Variants in ARMC7 observed in about 807,000 individuals in gnomAD.
ARMC7 encodes armadillo repeat-containing protein 7.
Under a neutral mutation model 14.8 loss-of-function variants are expected in ARMC7, and 9 were observed. That is an observed-to-expected ratio of 0.61 (90% CI 0.37 to 1.06). ARMC7 has a LOEUF of 1.06. Ranked by LOEUF, ARMC7 falls within the 50% of genes least tolerant of loss-of-function variation. The probability of loss-of-function intolerance (pLI) is 0.01; values close to 1 mark genes in which losing one functional copy is unlikely to be tolerated. For missense variants in ARMC7, 262 were observed against 267.1 expected, an observed-to-expected ratio of 0.98 and a Z score of 0.13; for synonymous variants, 125 against 123.4, an observed-to-expected ratio of 1.01 and a Z score of -0.09.
chr17:75,128,862 G>A lies in ARMC7; in HGVS notation c.421G>A (p.Val141Met), dbSNP rs768008219. The A allele has an allele frequency of 2.0e-5, 33 of 1,612,478 alleles. No individual in the cohort carries two copies. Among genetic ancestry groups the A allele is most frequent in the South Asian group, 4.4e-5 (4 of 91,058 alleles). Residue 141 changes from valine to methionine, a missense_variant, in exon 3 of 3, where the codon GTG (valine) becomes ATG (methionine). Coordinates refer to ENST00000245543, the MANE Select transcript of ARMC7 (RefSeq NM_024585.4). ...SFLPELTATP[V>M]VQCMLRFSLS... ...TCTCCCAGAGCTGACCGCCACGCCC[G>A]TGGTGCAGTGCATGCTTCGCTTCTC...
intron 2 of ARMC7, among the ~76,000 whole-genome samples, chr17:75,124,094 T>C (rs2074033575): frequency 6.6e-6 from 1 of 152,236 alleles, no homozygotes; most frequent in Non-Finnish European, 1.5e-5. Context: ...CAGCTGTTGC[T>C]GTGGCCTCTT....
chr17:75,119,772 CTT>C (rs1568016992), intron 2 of ARMC7, among the ~76,000 whole-genome samples: 1 of 151,330 alleles, frequency 6.6e-6, no homozygotes, highest in African/African-American at 2.4e-5. Flanking sequence ...GCTGTGAAGA[CTT>C]TGACCCTGGG....
Position 75,129,122 on chromosome 17 carries a change from T to G in ARMC7, c.*84T>G. ...GACGCAGGGAACGGGGAGCACATACTGCCCCATTGGTGCCTTTTCAGCCAT... is the reference window on the plus strand; with the variant it reads ...GACGCAGGGAACGGGGAGCACATACGGCCCCATTGGTGCCTTTTCAGCCAT... On this transcript the variant is annotated 3_prime_UTR_variant, in exon 3 of 3. Transcript: ENST00000245543. 2.7e-6 allele frequency: 4 copies of G among 1,487,034 alleles called. No individual in the cohort carries two copies. The highest frequency in any genetic ancestry group is 3.6e-6 in the Non-Finnish European group (4 of 1,119,572). The allele number at this position is 1,487,034 out of a possible 1,614,324, so 92.1% of individuals were successfully genotyped here.
chr17:75,116,757 G>C (rs1313939661), intron 2 of ARMC7, among the ~76,000 whole-genome samples: 1 of 152,228 alleles, frequency 6.6e-6, no homozygotes, highest in Non-Finnish European at 1.5e-5. Context: ...AGCGAGAAAG[G>C]AGTTTACTCC....
chr17:75,120,366 T>A (rs1309102179), intron 2 of ARMC7, among the ~76,000 whole-genome samples: 2 of 152,186 alleles, frequency 1.3e-5, no homozygotes. Flanking sequence ...GGGTTTCCTC[T>A]TTTGCCTCTC....
chr17:75,124,080 A>G (rs953347958), intron 2 of ARMC7, among the ~76,000 whole-genome samples: 1 of 152,200 alleles, frequency 6.6e-6, no homozygotes, highest in South Asian at 2.1e-4. Context: ...GGAGAAGCTC[A>G]AAGCAGCTGT....
chr17:75,125,906 C>G (rs1210591897), intron 2 of ARMC7, among the ~76,000 whole-genome samples: 10 of 152,186 alleles, frequency 6.6e-5, no homozygotes, highest in Admixed American at 6.5e-4. Context: ...TGGGAGCAGG[C>G]AGCAGAGTGA....
At chr17:75,120,844 A>G (rs1460581959) in intron 2 of ARMC7, among the ~76,000 whole-genome samples, 2 of 150,614 alleles carry the variant, frequency 1.3e-5, no homozygotes, top group Non-Finnish European at 3.0e-5. Context: ...AGATTGCAGT[A>G]TGATCAACAG....
At chr17:75,114,365 T>C in intron 2 of ARMC7, 2 of 398,062 alleles carry the variant, frequency 5.0e-6, no homozygotes, top group Non-Finnish European at 4.4e-6. Context: ...AGGAAGCAAC[T>C]TTCCCAGGAC....
chr17:75,128,565 G>C (rs1355324620), intron 2 of ARMC7, 112 bp from the exon 3 acceptor site: 8 of 1,444,040 alleles, frequency 5.5e-6, no homozygotes, highest in South Asian at 2.8e-5. Context: ...TGGATGCCTT[G>C]TGCTGGGGCC....
At chr17:75,116,757 G>T (rs1313939661) in intron 2 of ARMC7, among the ~76,000 whole-genome samples, 2 of 152,228 alleles carry the variant, frequency 1.3e-5, no homozygotes, top group Non-Finnish European at 2.9e-5. Flanking sequence ...AGCGAGAAAG[G>T]AGTTTACTCC....
At chr17:75,114,560 G>T (rs535266645) in intron 2 of ARMC7, 1 of 395,006 alleles carries the variant, frequency 2.5e-6, no homozygotes, top group South Asian at 1.4e-4. Context: ...TCCGAGCGTG[G>T]TTTCCTCTCC....
At chr17:75,127,059 C>A (rs1214808613) in intron 2 of ARMC7, among the ~76,000 whole-genome samples, 9 of 102,512 alleles carry the variant, frequency 8.8e-5, no homozygotes, top group East Asian at 2.9e-4. Context: ...AAAACTGTCT[C>A]AAAAAAAAAA....
chr17:75,110,081 T>C lies in ARMC7; in HGVS notation c.-208T>C, dbSNP rs2073896480. 1.7e-6 allele frequency: 1 copy of C among 573,004 alleles called. No homozygotes were observed. Among genetic ancestry groups the C allele is most frequent in the African/African-American group, 1.9e-5 (1 of 53,058 alleles). 35.5% of individuals were successfully genotyped at this position (573,004 alleles called of 1,614,324 possible). A position where few individuals can be genotyped will look rare whatever the true frequency, so the allele number is the denominator to read the frequency against. ...AATTTCGATTTTCAAACGCAACTCC[T>C]ACAGGATTCTGAGACCCCGTCCCAT... On this transcript the variant is annotated 5_prime_UTR_variant, in exon 1 of 3. Transcript: ENST00000245543.
chr17:75,112,130 A>AAAAAAAAAAATTAGTCT (rs2073928181), intron 2 of ARMC7, among the ~76,000 whole-genome samples: 1 of 146,704 alleles, frequency 6.8e-6, no homozygotes, highest in African/African-American at 2.8e-5. Flanking sequence ...TAAAACAGGA[A>AAAAAAAAAAATTAGTCT]GGAGCCAGAC....
intron 2 of ARMC7, among the ~76,000 whole-genome samples, chr17:75,122,618 A>G (rs1254388752): frequency 6.6e-6 from 1 of 151,918 alleles, no homozygotes; most frequent in Non-Finnish European, 1.5e-5. Context: ...CTGCCTCACC[A>G]CCCAAAGTGC....
At chr17:75,119,784 G>A (rs963981777) in intron 2 of ARMC7, among the ~76,000 whole-genome samples, 1 of 152,026 alleles carries the variant, frequency 6.6e-6, no homozygotes, top group African/African-American at 2.4e-5. Context: ...TTGACCCTGG[G>A]CTGCTTCAGC....
chr17:75,126,582 TTTTTG>T (rs2074052769), intron 2 of ARMC7, among the ~76,000 whole-genome samples: 4 of 148,274 alleles, frequency 2.7e-5, no homozygotes, highest in Admixed American at 2.7e-4. Flanking sequence ...TGTTTTTTTG[TTTTTG>T]TTTTTTTTTT....
chr17:75,118,178 CCT>C (rs1486070184), intron 2 of ARMC7, among the ~76,000 whole-genome samples: 1 of 152,152 alleles, frequency 6.6e-6, no homozygotes, highest in African/African-American at 2.4e-5. Flanking sequence ...CCAGACATCC[CCT>C]GATTCTGACT....
Sources: gnomAD v4.1 joint callset for allele counts (sites outside exome capture counted in the v4.1 genomes callset) on GRCh38, gnomAD v4.1.1 for gene constraint, MANE v1.5 for transcripts, NCBI Gene and HGNC (gene_info 2026-07-23, HGNC 2026-07-21) for gene names.